ZNF331: variants seen among roughly 807,000 people sequenced by gnomAD.
The protein encoded by ZNF331 is C2H2-like zinc finger protein rearranged in thyroid adenomas.
Under a neutral mutation model 7.0 loss-of-function variants are expected in ZNF331, and 2 were observed. That is an observed-to-expected ratio of 0.29 (90% CI 0.12 to 0.90). ZNF331 has a LOEUF of 0.90. Among genes scored for constraint, ZNF331 ranks in the 40% least tolerant of loss-of-function variants. The probability of loss-of-function intolerance (pLI) is 0.58; values close to 1 mark genes in which losing one functional copy is unlikely to be tolerated. For synonymous variants in ZNF331, 196 were observed against 205.4 expected (o/e 0.95, Z 0.39); for missense variants, 432 against 587.7 (o/e 0.74, Z 2.74).
Position 53,539,166 on chromosome 19 carries a change from G to C in ZNF331, c.-204-50G>C, listed in dbSNP as rs1367640560. On this transcript the variant is annotated intron_variant, in intron 1 of 5. Transcript: ENST00000449416. This position sits in a 1 kb window ranked among gnomAD's most constrained non-coding sequence, Gnocchi z 6.1. ...ATCTCGGGGCCTCGTATTTCTCATT[G>C]GTTTTATTAGGTATGGCAGGTGTTA... The C allele has an allele frequency of 6.6e-6, 1 of 152,152 alleles. No individual in the cohort carries two copies. The highest frequency in any genetic ancestry group is 1.5e-5 in the Non-Finnish European group (1 of 68,048). The allele number at this position is 152,152 out of a possible 1,614,324, so 9.4% of individuals were successfully genotyped here.
intron 2 of ZNF331, among the ~76,000 whole-genome samples, chr19:53,544,460 G>A (rs1181566926): frequency 6.7e-6 from 1 of 149,612 alleles, no homozygotes; most frequent in South Asian, 2.1e-4. Context: ...CAGGAGAATG[G>A]CGTGAACCCA....
the ZNF331 span, among the ~76,000 whole-genome samples, chr19:53,504,819 G>A: frequency 2.0e-5 from 3 of 152,180 alleles, no homozygotes; most frequent in Non-Finnish European, 2.9e-5. Context: ...TTGTGTAAGA[G>A]GAAGGTAGAA....
At chr19:53,529,881 A>T (rs2087463131) in intron 2 of ZNF331, among the ~76,000 whole-genome samples, 1 of 152,148 alleles carries the variant, frequency 6.6e-6, no homozygotes, top group Non-Finnish European at 1.5e-5. Context: ...ATTCCAGGTG[A>T]TGTACCTTGA....
chr19:53,576,575 G>A (rs1052468927), intron 5 of ZNF331, 122 bp from the exon 6 acceptor site: 4 of 792,752 alleles, frequency 5.0e-6, no homozygotes, highest in Admixed American at 2.7e-5. Context: ...AAGAGCCCTG[G>A]GTGATTCACA....
intron 3 of ZNF331, among the ~76,000 whole-genome samples, chr19:53,561,677 A>T (rs924498266): frequency 2.0e-5 from 3 of 152,086 alleles, no homozygotes; most frequent in Non-Finnish European, 4.4e-5. Flanking sequence ...ACATAGTGAG[A>T]CCTCATCTCT....
chr19:53,529,894 G>A (rs2087464627), intron 2 of ZNF331, among the ~76,000 whole-genome samples: 1 of 152,170 alleles, frequency 6.6e-6, no homozygotes, highest in Non-Finnish European at 1.5e-5. Context: ...TACCTTGAGA[G>A]GTGCTAGGAA....
upstream of ZNF331, among the ~76,000 whole-genome samples, chr19:53,515,559 G>A (rs1400414825): frequency 6.6e-6 from 1 of 152,180 alleles, no homozygotes; most frequent in East Asian, 1.9e-4. Context: ...GTGCAATGGC[G>A]CGATCTCGGC....
the ZNF331 span, chr19:53,504,177 G>A: frequency 1.7e-5 from 6 of 344,932 alleles, no homozygotes; most frequent in South Asian, 1.4e-4. Flanking sequence ...CAGTCAGCTG[G>A]TGGTGAACAT....
At chr19:53,572,806 G>A (rs1202796522) in intron 5 of ZNF331, among the ~76,000 whole-genome samples, 1 of 152,052 alleles carries the variant, frequency 6.6e-6, no homozygotes, top group African/African-American at 2.4e-5. Flanking sequence ...CAGTGATGCA[G>A]TCAGACGGAG....
At chr19:53,506,088 C>G in the ZNF331 span, among the ~76,000 whole-genome samples, 1 of 151,654 alleles carries the variant, frequency 6.6e-6, no homozygotes, top group African/African-American at 2.4e-5. Flanking sequence ...GTAATCCCAG[C>G]ACTTTGGGAG....
intron 2 of ZNF331, among the ~76,000 whole-genome samples, chr19:53,529,339 G>T (rs2087437412): frequency 6.6e-6 from 1 of 151,346 alleles, no homozygotes; most frequent in Admixed American, 6.6e-5. Context: ...GGTGGAGCTT[G>T]CAGTGAGCCG....
intron 3 of ZNF331, among the ~76,000 whole-genome samples, chr19:53,559,850 A>T (rs1007802072): frequency 5.3e-5 from 8 of 151,590 alleles, no homozygotes; most frequent in Admixed American, 5.3e-4. Context: ...ACATATACAC[A>T]TATACATACC....
At chr19:53,532,575 A>G (rs2087583567) in intron 2 of ZNF331, among the ~76,000 whole-genome samples, 1 of 152,076 alleles carries the variant, frequency 6.6e-6, no homozygotes, top group African/African-American at 2.4e-5. Flanking sequence ...TTCCTCTACA[A>G]CTTTTTGGAA....
intron 3 of ZNF331, among the ~76,000 whole-genome samples, chr19:53,556,206 T>G (rs12981703): frequency 2.6e-4 from 38 of 144,222 alleles, no homozygotes; most frequent in South Asian, 6.6e-4. Context: ...TCGCACCGCT[T>G]CACTCCAGCC....
At chr19:53,508,818 C>T in the ZNF331 span, among the ~76,000 whole-genome samples, 1 of 152,152 alleles carries the variant, frequency 6.6e-6, no homozygotes, top group African/African-American at 2.4e-5. Context: ...ATCCCTGTTT[C>T]ACCTTGCTCT....
chr19:53,503,900 C>G, the ZNF331 span: 1 of 669,162 alleles, frequency 1.5e-6, no homozygotes, highest in Non-Finnish European at 2.7e-6. Context: ...TGCTGCTGAT[C>G]ACGAGGACAC....
intron 5 of ZNF331, among the ~76,000 whole-genome samples, chr19:53,575,919 T>C (rs2090699313): frequency 6.6e-6 from 1 of 152,064 alleles, no homozygotes; most frequent in Non-Finnish European, 1.5e-5. Flanking sequence ...CCTGACTTCA[T>C]GATCTGCCCA....
rs563953993 is a variant in ZNF331 at position 53,555,173 on chromosome 19, G to A, written c.-137-672G>A. On this transcript the variant is annotated intron_variant, in intron 2 of 5. Transcript: ENST00000449416. Reference sequence around the variant, plus strand: ...TCTCTGTGCTGAGATGGGTGATCGGGCCTTCTGGGTGACGCAGGTGTGTGT... The same window carrying A: ...TCTCTGTGCTGAGATGGGTGATCGGACCTTCTGGGTGACGCAGGTGTGTGT... The A allele has an allele frequency of 5.3e-5, 8 of 150,084 alleles. No individual in the cohort carries two copies. The East Asian group carries it at 1.2e-3, about 23-fold the overall frequency. 9.3% of individuals were successfully genotyped at this position (150,084 alleles called of 1,614,324 possible).
intron 3 of ZNF331, among the ~76,000 whole-genome samples, chr19:53,568,959 C>T (rs1399564850): frequency 2.0e-5 from 3 of 149,646 alleles, no homozygotes; most frequent in Admixed American, 6.7e-5. Flanking sequence ...CGGGTTCAAG[C>T]GATTCCCCTG....
Sources: allele counts gnomAD v4.1 joint callset (sites outside exome capture counted in the v4.1 genomes callset), GRCh38; gene constraint gnomAD v4.1.1; non-coding constraint Gnocchi (gnomAD v3.1); transcripts MANE v1.5; gene names NCBI Gene and HGNC (gene_info 2026-07-23, HGNC 2026-07-21).